Variants in KCNK12 observed in about 807,000 individuals in gnomAD.
KCNK12 encodes the protein potassium two pore domain channel subfamily K member 12.
Under a neutral mutation model 25.3 loss-of-function variants are expected in KCNK12, and 6 were observed. That is an observed-to-expected ratio of 0.24 (90% confidence interval 0.13 to 0.47). The LOEUF (loss-of-function observed/expected upper bound fraction) is 0.47. KCNK12 is among the 20% of genes least tolerant of loss of function. The probability of loss-of-function intolerance (pLI) is 0.99; values close to 1 mark genes in which losing one functional copy is unlikely to be tolerated. For missense variants in KCNK12, 444 were observed against 661.7 expected, an observed-to-expected ratio of 0.67 and a Z score of 3.61; for synonymous variants, 331 against 311.1, an observed-to-expected ratio of 1.06 and a Z score of -0.67.
rs1233102731 is a variant in KCNK12, at chr2:47,514,161, G to T, written c.*6746C>A. 6.6e-6 allele frequency among the ~76,000 whole-genome samples: 1 copy of T among 152,098 alleles called. No homozygotes were observed. Among genetic ancestry groups the T allele is most frequent in the African/African-American group, 2.4e-5 (1 of 41,384 alleles). ...TTCCCACACACTGCTCCTCTGCCTG[G>T]GCCACTCTTCCTGCTCCTTGTCAGC... On this transcript the variant is annotated 3_prime_UTR_variant, in exon 2 of 2. Coordinates refer to ENST00000327876, the MANE Select transcript of KCNK12 (RefSeq NM_022055.2). The surrounding 1 kb of genome is among the most constrained non-coding windows in gnomAD (Gnocchi z 5.0).
rs908659070 is a variant in KCNK12 at position 47,516,891 on chromosome 2, G to A, written c.*4016C>T. 1 of 152,174 alleles carries A rather than the reference G, an allele frequency of 6.6e-6. No individual in the cohort carries two copies. The highest frequency in any genetic ancestry group is 6.5e-5 in the Admixed American group (1 of 15,274). 9.4% of individuals were successfully genotyped at this position (152,174 alleles called of 1,614,324 possible). On this transcript the variant is annotated 3_prime_UTR_variant, in exon 2 of 2. Coordinates refer to ENST00000327876, the MANE Select transcript of KCNK12 (RefSeq NM_022055.2). Reference sequence around the variant, plus strand: ...CCTGAAAGTGCCAGAGCTGCTTCAGGGGCAAGAGTCCAGGCCCCAAGTCCA... The same window carrying A: ...CCTGAAAGTGCCAGAGCTGCTTCAGAGGCAAGAGTCCAGGCCCCAAGTCCA...
At chr2:47,526,658 G>A (rs180829488) in intron 1 of KCNK12, among the ~76,000 whole-genome samples, 48 of 151,018 alleles carry the variant, frequency 3.2e-4, no homozygotes, top group African/African-American at 1.1e-3. Context: ...GCTTGAATCC[G>A]GGAGGCAGAG....
chr2:47,568,156 G>A (rs1184383566), intron 1 of KCNK12, among the ~76,000 whole-genome samples: 1 of 152,122 alleles, frequency 6.6e-6, no homozygotes, highest in Non-Finnish European at 1.5e-5. Flanking sequence ...GGGAGAAAGT[G>A]CTATGACCAC....
intron 1 of KCNK12, among the ~76,000 whole-genome samples, chr2:47,536,063 T>G (rs1172987184): frequency 6.6e-6 from 1 of 152,160 alleles, no homozygotes; most frequent in African/African-American, 2.4e-5. Context: ...CTCCCTGGTT[T>G]TCTGGAAATA....
chr2:47,550,894 T>C (rs1572602954), intron 1 of KCNK12, among the ~76,000 whole-genome samples: 1 of 152,286 alleles, frequency 6.6e-6, no homozygotes. Flanking sequence ...AGCCTGCTAA[T>C]GAGTCCCCAC....
chr2:47,543,797 G>T (rs2104823385), intron 1 of KCNK12: 1 of 152,340 alleles, frequency 6.6e-6, no homozygotes, highest in Middle Eastern at 3.4e-3. Flanking sequence ...TATAATTCTG[G>T]AGATCTGTAA....
At chr2:47,541,512 G>A (rs1352170490) in intron 1 of KCNK12, among the ~76,000 whole-genome samples, 2 of 152,088 alleles carry the variant, frequency 1.3e-5, no homozygotes, top group Admixed American at 1.3e-4. Flanking sequence ...AGATGGTCTC[G>A]GTGACCTCCT....
At position 47,521,219 on chromosome 2, in the gene KCNK12, C is replaced by T; in HGVS notation, c.981G>A (p.Ala327=). ...CCARCCPAPG[A]PLARRNAITP... is the part of the protein sequence containing the mutation. Reference sequence around the variant, plus strand: ...TGATGGCATTGCGCCGGGCCAGGGGCGCGCCAGGAGCCGGGCAGCAGCGCG... The same window carrying T: ...TGATGGCATTGCGCCGGGCCAGGGGTGCGCCAGGAGCCGGGCAGCAGCGCG... Residue 327 remains alanine, a synonymous_variant, in exon 2 of 2, where the codon GCG becomes GCA. Transcript: ENST00000327876. 6.3e-7 allele frequency: 1 copy of T among 1,579,846 alleles called. No individual in the cohort carries two copies. The highest frequency in any genetic ancestry group is 8.6e-7 in the Non-Finnish European group (1 of 1,163,604).
At position 47,560,051 on chromosome 2, in the gene KCNK12, C is replaced by G. The variant is rs979038705; in HGVS notation, c.391+9890G>C. On this transcript the variant is annotated intron_variant, in intron 1 of 1. Coordinates refer to ENST00000327876, the MANE Select transcript of KCNK12 (RefSeq NM_022055.2). This position sits in a 1 kb window ranked among gnomAD's most constrained non-coding sequence, Gnocchi z 4.7. ...TTCAGGACATGACCTTAGGCAGAGT[C>G]TCCCTCAAGCCAACCACCCTTCAGG... 1.3e-5 allele frequency among the ~76,000 whole-genome samples: 2 copies of G among 152,224 alleles called. No homozygotes were observed. The highest frequency in any genetic ancestry group is 4.8e-5 in the African/African-American group (2 of 41,452).
At chr2:47,559,959 G>A (rs1324306676) in intron 1 of KCNK12, among the ~76,000 whole-genome samples, 3 of 152,214 alleles carry the variant, frequency 2.0e-5, no homozygotes, top group Non-Finnish European at 4.4e-5. Flanking sequence ...GGGGACAGAA[G>A]TTAAGGGTGG....
intron 1 of KCNK12, among the ~76,000 whole-genome samples, chr2:47,526,222 C>T (rs989647102): frequency 6.8e-6 from 1 of 146,694 alleles, no homozygotes; most frequent in Non-Finnish European, 1.5e-5. Flanking sequence ...TGCAAAAACC[C>T]CGTCTCTCCT....
rs939848755 is a variant in KCNK12, at chr2:47,515,416, A to C, written c.*5491T>G. Among the ~76,000 whole-genome samples the C allele has an allele frequency of 6.6e-6, 1 of 152,234 alleles. No homozygotes were observed. Among genetic ancestry groups the C allele is most frequent in the Non-Finnish European group, 1.5e-5 (1 of 68,040 alleles). On this transcript the variant is annotated 3_prime_UTR_variant, in exon 2 of 2. Transcript: ENST00000327876. ...CCTACTGCTTAAGGTCATCGCCAAA[A>C]TCTGATTTTTTACACAAAAAATTTG...
At position 47,570,091 on chromosome 2, in the gene KCNK12, C is replaced by T; in HGVS notation, c.241G>A (p.Ala81Thr). The change falls in exon 1 of 2, where the codon GCT becomes ACT. Residue 81 changes from alanine (A) to threonine (T), a missense_variant. Physicochemically the swap from Ala to Thr is moderately conservative, Grantham distance 58 (BLOSUM62 0). Coordinates refer to ENST00000327876, the MANE Select transcript of KCNK12 (RefSeq NM_022055.2). Reference sequence around the variant, plus strand: ...TCTGGCTCGGCCACGCCGTGCGCAGCGCTGAAGTTGCGCAGCGTGGCGCCC... The same window carrying T: ...TCTGGCTCGGCCACGCCGTGCGCAGTGCTGAAGTTGCGCAGCGTGGCGCCC... ...RWGATLRNFS[A>T]AHGVAEPELR... The T allele has an allele frequency of 7.2e-7, 1 of 1,397,340 alleles. No individual in the cohort carries two copies. Among genetic ancestry groups the T allele is most frequent in the Non-Finnish European group, 9.3e-7 (1 of 1,075,998 alleles). The allele number at this position is 1,397,340 out of a possible 1,614,324, so 86.6% of individuals were successfully genotyped here.
At position 47,566,099 on chromosome 2, in the gene KCNK12, G is replaced by A. The variant is rs1250656648; in HGVS notation, c.391+3842C>T. ...AGACCACAAAGTGGATTTTTATTTC[G>A]CTTGAGCTATTCAGATTGACTTTCT... On this transcript the variant is annotated intron_variant, in intron 1 of 1. Coordinates refer to ENST00000327876, the MANE Select transcript of KCNK12 (RefSeq NM_022055.2). This position sits in a 1 kb window ranked among gnomAD's most constrained non-coding sequence, Gnocchi z 4.1. 3.3e-5 allele frequency: 5 copies of A among 152,116 alleles called. No individual in the cohort carries two copies. The highest frequency in any genetic ancestry group is 4.1e-4 in the South Asian group (2 of 4,822). 9.4% of individuals were successfully genotyped at this position (152,116 alleles called of 1,614,324 possible).
At chr2:47,563,021 C>T (rs1458730906) in intron 1 of KCNK12, 2 of 233,232 alleles carry the variant, frequency 8.6e-6, no homozygotes, top group African/African-American at 4.4e-5. Context: ...GGGGGTGACA[C>T]AGGAATAGAC....
chr2:47,567,738 A>G (rs1454506778), intron 1 of KCNK12, among the ~76,000 whole-genome samples: 1 of 152,164 alleles, frequency 6.6e-6, no homozygotes, highest in Non-Finnish European at 1.5e-5. Flanking sequence ...GTGCTGGGTC[A>G]CTCGTAATAT....
Position 47,533,590 on chromosome 2 carries a change from C to T in KCNK12, c.392-11782G>A, listed in dbSNP as rs1319471462. On this transcript the variant is annotated intron_variant, in intron 1 of 1. Transcript: ENST00000327876. The surrounding 1 kb of genome is among the most constrained non-coding windows in gnomAD (Gnocchi z 4.7). ...TACCATTGGCTCGCCGTTCTCCTAC[C>T]TCGCTGGGCCTCCATCTCCCCACCT... Among the ~76,000 whole-genome samples the T allele has an allele frequency of 1.3e-5, 2 of 152,244 alleles. No homozygotes were observed. The highest frequency in any genetic ancestry group is 2.4e-5 in the African/African-American group (1 of 41,470).
At chr2:47,521,884 G>A in intron 1 of KCNK12, 76 bp from the exon 2 acceptor site, 2 of 1,144,614 alleles carry the variant, frequency 1.7e-6, no homozygotes, top group Non-Finnish European at 2.4e-6. Flanking sequence ...GGGGGTGTGG[G>A]GGCGGGGGCA....
rs1235933315 is a variant in KCNK12 at position 47,560,952 on chromosome 2, C to G, written c.391+8989G>C. Among the ~76,000 whole-genome samples the G allele has an allele frequency of 6.6e-6, 1 of 152,190 alleles. No individual in the cohort carries two copies. The highest frequency in any genetic ancestry group is 1.5e-5 in the Non-Finnish European group (1 of 68,028). On this transcript the variant is annotated intron_variant, in intron 1 of 1. Transcript: ENST00000327876. This position sits in a 1 kb window ranked among gnomAD's most constrained non-coding sequence, Gnocchi z 4.7. ...GGGGTCCCGGTGCTTCCTCCACCCA[C>G]CAGGGAGTCATGGTAGCCCTGGGGT...
Sources: allele counts gnomAD v4.1 joint callset (sites outside exome capture counted in the v4.1 genomes callset), GRCh38; gene constraint gnomAD v4.1.1; non-coding constraint Gnocchi (gnomAD v3.1); transcripts MANE v1.5; gene names NCBI Gene and HGNC (gene_info 2026-07-23, HGNC 2026-07-21).